Variants in MDGA2 observed in about 807,000 individuals in gnomAD.
The protein encoded by MDGA2 is MAM domain containing glycosylphosphatidylinositol anchor 2.
Under a neutral mutation model 117.8 loss-of-function variants are expected in MDGA2, and 40 were observed. The observed-to-expected ratio is 0.34, with a 90% CI of 0.26 to 0.44. The LOEUF (loss-of-function observed/expected upper bound fraction) is 0.44, where lower values mean the gene tolerates loss of function less well. Ranked by LOEUF, MDGA2 falls within the 20% of genes least tolerant of loss-of-function variation. The pLI is 1.00. For synonymous variants in MDGA2, 452 were observed against 439.0 expected, an observed-to-expected ratio of 1.03 and a Z score of -0.37; for missense variants, 1,123 against 1,250.6, an observed-to-expected ratio of 0.90 and a Z score of 1.54.
At chr14:47,419,805 TA>T (rs2138504332) in intron 1 of MDGA2, among the ~76,000 whole-genome samples, 1 of 152,234 alleles carries the variant, frequency 6.6e-6, no homozygotes, top group African/African-American at 2.4e-5. Flanking sequence ...GGGGATAAAA[TA>T]TTTTTCTAAG....
intron 1 of MDGA2, among the ~76,000 whole-genome samples, chr14:47,460,508 G>A (rs1198223920): frequency 6.6e-6 from 1 of 151,676 alleles, no homozygotes; most frequent in African/African-American, 2.4e-5. Flanking sequence ...AGAAGAGAGG[G>A]GAAAGAATTA....
intron 3 of MDGA2, among the ~76,000 whole-genome samples, chr14:47,160,757 AT>A (rs1301446516): frequency 2.6e-5 from 4 of 152,202 alleles, no homozygotes; most frequent in Non-Finnish European, 5.9e-5. Flanking sequence ...TCACATATAA[AT>A]TTTAATTTTA....
intron 1 of MDGA2, among the ~76,000 whole-genome samples, chr14:47,574,284 T>C (rs1896075211): frequency 6.6e-6 from 1 of 152,150 alleles, no homozygotes. Flanking sequence ...TTTGCGGTCT[T>C]ACTTCCTGGG....
At chr14:46,866,156 A>G (rs1390905723) in intron 14 of MDGA2, among the ~76,000 whole-genome samples, 1 of 152,140 alleles carries the variant, frequency 6.6e-6, no homozygotes, top group Non-Finnish European at 1.5e-5. Flanking sequence ...TCAAGGCTAC[A>G]GTAACCAAAA....
chr14:47,418,608 CA>C (rs1566446753), intron 1 of MDGA2, among the ~76,000 whole-genome samples: 1 of 152,138 alleles, frequency 6.6e-6, no homozygotes, highest in Non-Finnish European at 1.5e-5. Flanking sequence ...ACAGAAGCCC[CA>C]CCCCTTGTCA....
At chr14:47,423,581 A>T (rs1377121888) in intron 1 of MDGA2, among the ~76,000 whole-genome samples, 1 of 151,436 alleles carries the variant, frequency 6.6e-6, no homozygotes, top group Admixed American at 6.6e-5. Flanking sequence ...TGTACTCTTT[A>T]ATTTCAATAT....
At chr14:47,448,702 C>T (rs548359705) in intron 1 of MDGA2, among the ~76,000 whole-genome samples, 1 of 152,190 alleles carries the variant, frequency 6.6e-6, no homozygotes, top group East Asian at 1.9e-4. Context: ...AAAGTGTCTT[C>T]CTGAGTTCCT....
intron 1 of MDGA2, among the ~76,000 whole-genome samples, chr14:47,499,208 C>T (rs771217203): frequency 6.6e-6 from 1 of 152,130 alleles, no homozygotes; most frequent in East Asian, 1.9e-4. Flanking sequence ...TAAAATGTAC[C>T]TGGCTGTCTT....
chr14:46,844,448 C>T (rs983790971), intron 16 of MDGA2, among the ~76,000 whole-genome samples: 1 of 151,786 alleles, frequency 6.6e-6, no homozygotes, highest in Non-Finnish European at 1.5e-5. Context: ...GGGTGTGGTG[C>T]CGCGAGTCTG....
chr14:47,346,294 G>C (rs1453285147), intron 1 of MDGA2, among the ~76,000 whole-genome samples: 1 of 152,134 alleles, frequency 6.6e-6, no homozygotes, highest in Non-Finnish European at 1.5e-5. Flanking sequence ...CAGCTAGTAA[G>C]TAACATAGCA....
At chr14:46,979,305 T>C (rs1431552691) in intron 8 of MDGA2, among the ~76,000 whole-genome samples, 1 of 152,140 alleles carries the variant, frequency 6.6e-6, no homozygotes, top group Non-Finnish European at 1.5e-5. Context: ...CTCCTTCTCC[T>C]TAAGCCTTCC....
chr14:47,460,320 A>G (rs138317506), intron 1 of MDGA2, among the ~76,000 whole-genome samples: 53 of 152,274 alleles, frequency 3.5e-4, no homozygotes, highest in African/African-American at 1.2e-3. Context: ...AAAAAGAGTA[A>G]AGAAGGTTTG....
At chr14:47,070,213 C>G (rs1381836494) in intron 6 of MDGA2, among the ~76,000 whole-genome samples, 1 of 152,092 alleles carries the variant, frequency 6.6e-6, no homozygotes, top group Admixed American at 6.6e-5. Flanking sequence ...CACCTTCCTC[C>G]CCCAATCCCA....
intron 1 of MDGA2, among the ~76,000 whole-genome samples, chr14:47,382,746 A>G (rs1016118195): frequency 6.6e-6 from 1 of 152,194 alleles, no homozygotes; most frequent in Non-Finnish European, 1.5e-5. Context: ...ACACTTTTAC[A>G]CTGTTGGTGG....
intron 4 of MDGA2, among the ~76,000 whole-genome samples, chr14:47,138,288 A>C (rs1882553693): frequency 6.6e-6 from 1 of 152,050 alleles, no homozygotes; most frequent in Non-Finnish European, 1.5e-5. Flanking sequence ...ATGATTTGTA[A>C]AAAGGAATTT....
At chr14:47,221,043 AGT>A (rs1163214632) in intron 2 of MDGA2, among the ~76,000 whole-genome samples, 50 of 152,316 alleles carry the variant, frequency 3.3e-4, no homozygotes, top group African/African-American at 1.2e-3. Context: ...TGTGGTGGGC[AGT>A]TAATAGATAT....
chr14:46,872,129 T>C (rs1323889722), intron 14 of MDGA2, among the ~76,000 whole-genome samples: 1 of 152,000 alleles, frequency 6.6e-6, no homozygotes, highest in Non-Finnish European at 1.5e-5. Context: ...ACAAACTTCT[T>C]GAGGTTCAGT....
intron 1 of MDGA2, among the ~76,000 whole-genome samples, chr14:47,511,584 G>C (rs567844569): frequency 1.3e-5 from 2 of 152,014 alleles, no homozygotes; most frequent in South Asian, 4.1e-4. Flanking sequence ...GGGTTGTTTT[G>C]TTTGTTTGTT....
intron 3 of MDGA2, chr14:47,200,586 G>A: frequency 9.3e-7 from 1 of 1,072,858 alleles, no homozygotes; most frequent in Non-Finnish European, 1.4e-6. Context: ...CAGACCAGGA[G>A]TCCGTGAGTC....
Sources: gnomAD v4.1 joint callset for allele counts (sites outside exome capture counted in the v4.1 genomes callset) on GRCh38, gnomAD v4.1.1 for gene constraint, MANE v1.5 for transcripts, NCBI Gene and HGNC (gene_info 2026-07-23, HGNC 2026-07-21) for gene names.